Variants in IP6K2 observed in about 807,000 individuals in gnomAD.
IP6K2 encodes the protein ATP:1D-myo-inositol-hexakisphosphate phosphotransferase.
Under a neutral mutation model 43.3 loss-of-function variants are expected in IP6K2, and 9 were observed. The ratio of observed to expected loss-of-function variants is 0.21; its 90% CI spans 0.13 to 0.36. The LOEUF (loss-of-function observed/expected upper bound fraction) is 0.36, where lower values mean the gene tolerates loss of function less well. Among genes scored for constraint, IP6K2 ranks in the 10% least tolerant of loss-of-function variants. The pLI, the probability that IP6K2 is intolerant of heterozygous loss-of-function variation, is 1.00. For missense variants in IP6K2, 332 were observed against 538.4 expected (o/e 0.62, Z 3.79); for synonymous variants, 209 against 202.4 (o/e 1.03, Z -0.28).
rs774968457 is a variant in IP6K2 at position 48,693,354 on chromosome 3, C to A, written c.203-175G>T. 5 of 1,116,042 alleles carry A rather than the reference C, an allele frequency of 4.5e-6. No homozygotes were observed. The Admixed American group carries it at 6.9e-5, about 15-fold the overall frequency. The allele number at this position is 1,116,042 out of a possible 1,614,324, so 69.1% of individuals were successfully genotyped here. On this transcript the variant is annotated intron_variant, in intron 2 of 5. Transcript: ENST00000328631. Reference sequence around the variant, plus strand: ...ATCAAAACAGCTAGAAAAGATGACACCATACAAGACAAGCAATTAGGGAGC... The same window carrying A: ...ATCAAAACAGCTAGAAAAGATGACAACATACAAGACAAGCAATTAGGGAGC...
chr3:48,698,088 C>T (rs1216816908), intron 1 of IP6K2, among the ~76,000 whole-genome samples: 1 of 152,126 alleles, frequency 6.6e-6, no homozygotes, highest in Non-Finnish European at 1.5e-5. Flanking sequence ...TCAACACAGG[C>T]AATGGAACTG....
Position 48,715,294 on chromosome 3 carries a change from C to T in IP6K2, c.-131+1863G>A, listed in dbSNP as rs942683786. On this transcript the variant is annotated intron_variant, in intron 1 of 5. Transcript: ENST00000328631. ...TCCCCAGTGCATCCTCTTTATGAGC[C>T]AAACAATGGAAAATTTTCACCTCAG... is the stretch of plus-strand genomic sequence containing the variant. 16 of 1,535,926 alleles carry T rather than the reference C, an allele frequency of 1.0e-5. No individual in the cohort carries two copies. In the Admixed American group the frequency reaches 1.2e-4, roughly 11 times the overall value.
In IP6K2 at chr3:48,691,294, G is replaced by C. The variant is rs2077760786; in HGVS notation, c.604+13C>G. ...TACCCTCAAATGCAGAGATGCCCGT[G>C]AACAAAGGATACTGTACTGGTTCCG... On this transcript the variant is annotated intron_variant, in intron 4 of 5. Transcript: ENST00000328631. The C allele has an allele frequency of 6.2e-7, 1 of 1,602,790 alleles. No individual in the cohort carries two copies. The highest frequency in any genetic ancestry group is 8.5e-7 in the Non-Finnish European group (1 of 1,173,722).
At chr3:48,694,136 CG>C in intron 2 of IP6K2, 1 of 1,529,168 alleles carries the variant, frequency 6.5e-7, no homozygotes, top group East Asian at 2.5e-5. Flanking sequence ...GCAGAGGAGC[CG>C]GGGTGGGGTA....
chr3:48,705,293 G>C (rs2079578958), intron 1 of IP6K2, among the ~76,000 whole-genome samples: 1 of 151,890 alleles, frequency 6.6e-6, no homozygotes, highest in South Asian at 2.1e-4. Context: ...CTGGCCTCAA[G>C]TGATCTGCCC....
intron 1 of IP6K2, among the ~76,000 whole-genome samples, chr3:48,714,192 T>C (rs1204463957): frequency 3.3e-5 from 5 of 152,196 alleles, no homozygotes; most frequent in Non-Finnish European, 5.9e-5. Flanking sequence ...TGTTTAGTTT[T>C]GTTTTTTTGA....
intron 2 of IP6K2, chr3:48,694,593 G>C (rs2078108400): frequency 3.3e-6 from 5 of 1,522,500 alleles, no homozygotes; most frequent in Non-Finnish European, 4.4e-6. Flanking sequence ...CTTTCATATA[G>C]CAATTTTGGG....
At chr3:48,714,469 T>C (rs1301736582) in intron 1 of IP6K2, among the ~76,000 whole-genome samples, 1 of 151,952 alleles carries the variant, frequency 6.6e-6, no homozygotes, top group African/African-American at 2.4e-5. Context: ...TTTGGCTCAC[T>C]GCAATCTCCA....
At chr3:48,694,252 C>A (rs984445927) in intron 2 of IP6K2, 39 of 1,551,402 alleles carry the variant, frequency 2.5e-5, no homozygotes, top group Non-Finnish European at 3.2e-5. Flanking sequence ...TGGAAAAAAA[C>A]AACAGAGAAG....
intron 1 of IP6K2, among the ~76,000 whole-genome samples, chr3:48,707,271 G>A (rs1210940664): frequency 1.3e-5 from 2 of 152,178 alleles, no homozygotes; most frequent in East Asian, 1.9e-4. Flanking sequence ...CCTGGCTCTT[G>A]ATGGTTTTAA....
intron 1 of IP6K2, among the ~76,000 whole-genome samples, chr3:48,716,078 G>A (rs2081164862): frequency 6.6e-6 from 1 of 152,074 alleles, no homozygotes; most frequent in Non-Finnish European, 1.5e-5. Context: ...CAAGTTACAC[G>A]ATGCAATTAT....
intron 2 of IP6K2, 99 bp downstream of exon 2, chr3:48,694,991 G>T: frequency 6.2e-7 from 1 of 1,608,654 alleles, no homozygotes. Context: ...AGAGTGGGAG[G>T]GAGTGAGGGC....
At chr3:48,692,933 T>G in intron 3 of IP6K2, 21 bp downstream of exon 3, 1 of 1,556,324 alleles carries the variant, frequency 6.4e-7, no homozygotes, top group African/African-American at 1.4e-5. Flanking sequence ...TAGCCCAGAG[T>G]TGCCCTCTGT....
rs563016344 is a variant in IP6K2, at chr3:48,712,260, T to G, written c.-131+4897A>C. Among the ~76,000 whole-genome samples, 1,050 of 149,992 alleles carry G rather than the reference T, an allele frequency of 7.0e-3. 3 individuals are homozygous for G. The highest frequency in any genetic ancestry group is 0.011 in the East Asian group (57 of 5,122). On this transcript the variant is annotated intron_variant, in intron 1 of 5. Coordinates refer to ENST00000328631, the MANE Select transcript of IP6K2 (RefSeq NM_016291.4). ...AAAAAAAATTTTTTTTTTTTTTTTTTGAGACAGAGTCTTGCTCTGTCTCCC... is the reference window on the plus strand; with the variant it reads ...AAAAAAAATTTTTTTTTTTTTTTTTGGAGACAGAGTCTTGCTCTGTCTCCC...
intron 1 of IP6K2, among the ~76,000 whole-genome samples, chr3:48,698,783 A>T (rs28657585): frequency 0.15 from 22,452 of 151,976 alleles, 1,979 homozygotes; most frequent in African/African-American, 0.25. Flanking sequence ...CAAAATTTTT[A>T]AAAAACTCAG....
At position 48,695,193 on chromosome 3, in the gene IP6K2, G is replaced by A; in HGVS notation, c.99C>T (p.Leu33=). The A allele has an allele frequency of 2.5e-6, 4 of 1,587,498 alleles. No homozygotes were observed. Among genetic ancestry groups the A allele is most frequent in the Non-Finnish European group, 3.4e-6 (4 of 1,161,448 alleles). Residue 33 remains leucine, a synonymous_variant, in exon 2 of 6, where the codon CTC becomes CTT. Coordinates refer to ENST00000328631, the MANE Select transcript of IP6K2 (RefSeq NM_016291.4). The surrounding 1 kb of genome is among the most constrained non-coding windows in gnomAD (Gnocchi z 4.6). ...VHQVGGHSCV[L]RFNETTLCKP... ...TGCACAGGGTTGTCTCATTGAAGCG[G>A]AGCACGCATGAGTGCCCCCCGACCT...
intron 3 of IP6K2, 50 bp downstream of exon 3, chr3:48,692,904 C>T (rs1370298304): frequency 2.1e-6 from 3 of 1,409,940 alleles, no homozygotes; most frequent in Admixed American, 1.8e-5. Flanking sequence ...CCAAAACCCC[C>T]AACACTTCCC....
chr3:48,714,403 GT>G (rs918791935), intron 1 of IP6K2, among the ~76,000 whole-genome samples: 2 of 151,184 alleles, frequency 1.3e-5, no homozygotes, highest in Non-Finnish European at 3.0e-5. Context: ...GTGTGTGTGT[GT>G]TTTTTTGAGA....
chr3:48,691,319 G>A lies in IP6K2; in HGVS notation c.592C>T (p.Arg198Trp), dbSNP rs764158011. The A allele has an allele frequency of 1.9e-6, 3 of 1,613,160 alleles. No homozygotes were observed. The highest frequency in any genetic ancestry group is 2.7e-5 in the African/African-American group (2 of 74,892). ...GAACAAAGGATACTGTACTGGTTCC[G>A]ATGCTTTGCATTCTCCTTCATTCTC... is the stretch of plus-strand genomic sequence containing the variant. ...LQRMKENAKHRNQYKFILLEN... is the reference protein window; with the variant it reads ...LQRMKENAKHWNQYKFILLEN... Residue 198 changes from arginine (R) to tryptophan (W), a missense_variant, in exon 4 of 6, where the codon CGG (arginine) becomes TGG (tryptophan). Arg to Trp is a moderately radical substitution (Grantham distance 101). Transcript: ENST00000328631.
Sources: gnomAD v4.1 joint callset for allele counts (sites outside exome capture counted in the v4.1 genomes callset) on GRCh38, gnomAD v4.1.1 for gene constraint, Gnocchi (gnomAD v3.1) non-coding constraint, MANE v1.5 for transcripts, NCBI Gene and HGNC (gene_info 2026-07-23, HGNC 2026-07-21) for gene names.